Variants in CYREN observed in about 807,000 individuals in gnomAD.
CYREN encodes cell cycle regulator of NHEJ.
CYREN carries 7 observed loss-of-function variants against 9.7 expected under a neutral mutation model. The ratio of observed to expected loss-of-function variants is 0.72; its 90% confidence interval spans 0.41 to 1.36. The LOEUF is 1.36. CYREN is among the 40% of genes most tolerant of loss of function. The pLI is 0.01. For missense variants in CYREN, 215 were observed against 198.1 expected (o/e 1.09, Z -0.51); for synonymous variants, 76 against 77.9 (o/e 0.98, Z 0.13).
At chr7:135,167,064 T>TG in intron 3 of CYREN, 193 bp from the exon 4 acceptor site, 5 of 985,202 alleles carry the variant, frequency 5.1e-6, no homozygotes, top group Non-Finnish European at 4.8e-6. Context: ...TCACAGCTCT[T>TG]GAAGAAACCA....
intron 2 of CYREN, among the ~76,000 whole-genome samples, chr7:135,142,971 A>G (rs560254989): frequency 2.6e-5 from 4 of 152,310 alleles, no homozygotes; most frequent in Non-Finnish European, 5.9e-5. Flanking sequence ...TCTAAAGTTC[A>G]TATGGAGAGG....
chr7:135,140,860 A>T (rs1829439835), intron 2 of CYREN, among the ~76,000 whole-genome samples: 1 of 152,064 alleles, frequency 6.6e-6, no homozygotes, highest in Non-Finnish European at 1.5e-5. Context: ...TGTTTATGTG[A>T]TGAATCACAT....
At chr7:135,163,377 C>T (rs928077704), downstream of CYREN, among the ~76,000 whole-genome samples, 6 of 151,800 alleles carry the variant, frequency 4.0e-5, no homozygotes, top group Admixed American at 3.3e-4. Context: ...CATGGTGGCT[C>T]ATGCCTGTAA....
chr7:135,129,917 G>A (rs1828488717), intron 2 of CYREN, among the ~76,000 whole-genome samples: 1 of 152,156 alleles, frequency 6.6e-6, no homozygotes, highest in Non-Finnish European at 1.5e-5. Flanking sequence ...TTCAGAAAAT[G>A]AAACTACAGA....
chr7:135,144,049 T>C (rs1369726076), intron 2 of CYREN, among the ~76,000 whole-genome samples: 1 of 152,166 alleles, frequency 6.6e-6, no homozygotes, highest in Non-Finnish European at 1.5e-5. Flanking sequence ...CTCATCTCCC[T>C]ACCGCTGTGA....
intron 2 of CYREN, among the ~76,000 whole-genome samples, chr7:135,125,717 C>T (rs2117283424): frequency 6.6e-6 from 1 of 152,272 alleles, no homozygotes; most frequent in African/African-American, 2.4e-5. Flanking sequence ...GGCTTCATCC[C>T]TGGGATGCAA....
rs760198198 is a variant in CYREN, at chr7:135,168,845, C to T, written c.78G>A (p.Val26=). 39 of 1,614,090 alleles carry T rather than the reference C, an allele frequency of 2.4e-5. 1 individual carries two copies. In the South Asian group the frequency reaches 4.1e-4, roughly 17 times the overall value. The change falls in exon 2 of 4, where the codon GTG becomes GTA. Residue 26 remains valine, a synonymous_variant. Transcript: ENST00000393114. ...TCCTCTTGGGGGCCTTCATTGGTGC[C>T]ACATTCTTTGTAGCCACCTGGGCTG... The part of the protein sequence containing the change: ...WLTAQVATKN[V]APMKAPKRMR...
intron 2 of CYREN, chr7:135,147,769 T>G: frequency 2.2e-6 from 1 of 456,204 alleles, no homozygotes; most frequent in South Asian, 1.5e-5. Flanking sequence ...ATGATCCTGA[T>G]GGGTTTCTTC....
At chr7:135,097,777 T>C (rs767933262) in intron 2 of CYREN, among the ~76,000 whole-genome samples, 33 of 152,244 alleles carry the variant, frequency 2.2e-4, no homozygotes, top group Non-Finnish European at 4.3e-4. Context: ...TTTGATATTA[T>C]ATGTAGGTTG....
In CYREN at chr7:135,100,290, A is replaced by G. The variant is rs1001440916; in HGVS notation, n.357-5708T>C. ...TACTATCCATTGCAGCAACTGGAGC[A>G]CTGGTCATGGGGGGATAAAACTAAT... On this transcript the variant is annotated intron_variant and non_coding_transcript_variant, in intron 2 of 2. Transcript: ENST00000459937. Among the ~76,000 whole-genome samples the G allele has an allele frequency of 3.9e-5, 6 of 152,276 alleles. No homozygotes were observed. The East Asian group carries it at 5.8e-4, about 15-fold the overall frequency.
upstream of CYREN, chr7:135,170,939 C>A (rs1471036849): frequency 6.6e-6 from 1 of 152,246 alleles, no homozygotes; most frequent in Non-Finnish European, 1.5e-5. Flanking sequence ...CGAGGCAGCG[C>A]CACCGGCTTG....
intron 2 of CYREN, among the ~76,000 whole-genome samples, chr7:135,118,835 A>G (rs1401418644): frequency 6.6e-6 from 1 of 152,180 alleles, no homozygotes; most frequent in African/African-American, 2.4e-5. Flanking sequence ...TTAAGAACCA[A>G]ATAGAAATTT....
intron 2 of CYREN, 120 bp downstream of exon 2, chr7:135,168,666 C>G (rs1051199816): frequency 7.0e-7 from 1 of 1,426,114 alleles, no homozygotes; most frequent in Non-Finnish European, 9.4e-7. Flanking sequence ...AAGAGATGAT[C>G]AGACTGAAAC....
intron 2 of CYREN, among the ~76,000 whole-genome samples, chr7:135,138,628 A>C (rs1228123685): frequency 3.3e-5 from 5 of 151,986 alleles, no homozygotes; most frequent in Non-Finnish European, 7.4e-5. Context: ...CAAAATAATA[A>C]AGGTTTGTTA....
intron 2 of CYREN, among the ~76,000 whole-genome samples, chr7:135,101,931 C>T (rs1028980062): frequency 9.8e-5 from 15 of 152,292 alleles, no homozygotes; most frequent in Non-Finnish European, 1.5e-4. Context: ...ATAAGTCTCA[C>T]GAGATCCGTT....
At chr7:135,134,810 C>G (rs548418384) in intron 2 of CYREN, 1 of 1,538,026 alleles carries the variant, frequency 6.5e-7, no homozygotes, top group African/African-American at 1.4e-5. Context: ...CCATGATGGA[C>G]AAAAATTCAC....
At position 135,099,882 on chromosome 7, in the gene CYREN, C is replaced by CTTTTTTT. The variant is rs34324217; in HGVS notation, n.357-5307_357-5301dup. The CTTTTTTT allele has an allele frequency of 5.9e-4, 37 of 62,704 alleles. 1 individual carries two copies. Among genetic ancestry groups the CTTTTTTT allele is most frequent in the East Asian group, 2.5e-3 (5 of 1,976 alleles). 3.9% of individuals were successfully genotyped at this position (62,704 alleles called of 1,614,324 possible). Reference sequence around the variant, plus strand: ...TTAGCATTGTATTGTCTGAGTTTCTCTTTTTTTTTTTTTTTTTTTTTTTGA... The same window carrying CTTTTTTT: ...TTAGCATTGTATTGTCTGAGTTTCTCTTTTTTTTTTTTTTTTTTTTTTTTTTTTTTGA... On this transcript the variant is annotated intron_variant and non_coding_transcript_variant, in intron 2 of 2. Coordinates refer to the CYREN transcript ENST00000459937.
chr7:135,144,564 G>A (rs1229524564), intron 2 of CYREN, among the ~76,000 whole-genome samples: 1 of 151,900 alleles, frequency 6.6e-6, no homozygotes, highest in East Asian at 1.9e-4. Flanking sequence ...CAGTGAAAGA[G>A]ACAGTAAGAA....
At chr7:135,094,003 T>A (rs1363513127) in exon 3 of CYREN, 3 of 170,404 alleles carry the variant, frequency 1.8e-5, no homozygotes, top group African/African-American at 7.2e-5. Context: ...GGAAAAAAAA[T>A]AGTCTTTTCA....
Sources: allele counts gnomAD v4.1 joint callset (sites outside exome capture counted in the v4.1 genomes callset), GRCh38; gene constraint gnomAD v4.1.1; transcripts MANE v1.5; gene names NCBI Gene and HGNC (gene_info 2026-07-23, HGNC 2026-07-21).